SEPTIN7: variants seen among roughly 807,000 people sequenced by gnomAD.
The protein encoded by SEPTIN7 is septin 7.
Under a neutral mutation model 63.3 loss-of-function variants are expected in SEPTIN7, and 10 were observed. The observed-to-expected ratio is 0.16, with a 90% CI of 0.10 to 0.27. The LOEUF is 0.27. SEPTIN7 is among the 10% of genes least tolerant of loss of function. The probability of loss-of-function intolerance (pLI) is 1.00; values close to 1 mark genes in which losing one functional copy is unlikely to be tolerated. For synonymous variants in SEPTIN7, 131 were observed against 165.3 expected (o/e 0.79, Z 1.59); for missense variants, 310 against 521.0 (o/e 0.59, Z 3.94).
At chr7:35,806,552 T>C (rs1200162283) in intron 1 of SEPTIN7, among the ~76,000 whole-genome samples, 1 of 152,176 alleles carries the variant, frequency 6.6e-6, no homozygotes, top group Non-Finnish European at 1.5e-5. Context: ...TATGCTTTCA[T>C]AGAAAAAAAT....
At chr7:35,909,715 A>G (rs912130980), downstream of SEPTIN7, among the ~76,000 whole-genome samples, 1 of 152,246 alleles carries the variant, frequency 6.6e-6, no homozygotes, top group Non-Finnish European at 1.5e-5. Context: ...AGGTTATGAC[A>G]TGGGCATTTC....
chr7:35,861,291 C>T (rs1258368292), intron 3 of SEPTIN7, among the ~76,000 whole-genome samples: 1 of 152,114 alleles, frequency 6.6e-6, no homozygotes, highest in East Asian at 1.9e-4. Context: ...TGTATTTCTT[C>T]AGGAATGGTT....
At chr7:35,873,052 A>G (rs183058963) in intron 5 of SEPTIN7, among the ~76,000 whole-genome samples, 26 of 152,224 alleles carry the variant, frequency 1.7e-4, no homozygotes, top group Admixed American at 1.7e-3. Flanking sequence ...CATTATTGTA[A>G]GAAATTTAAA....
chr7:35,815,301 C>T (rs1158228787), intron 1 of SEPTIN7, among the ~76,000 whole-genome samples: 1 of 152,090 alleles, frequency 6.6e-6, no homozygotes, highest in African/African-American at 2.4e-5. Flanking sequence ...GGTGTCACTG[C>T]CTCTAGTAGA....
At chr7:35,857,762 G>C (rs1785279809) in intron 3 of SEPTIN7, among the ~76,000 whole-genome samples, 1 of 152,132 alleles carries the variant, frequency 6.6e-6, no homozygotes, top group East Asian at 1.9e-4. Context: ...TTTTTAAAGA[G>C]TATTAAAAAA....
In SEPTIN7 at chr7:35,905,254, T is replaced by A. The variant is rs1788554134; in HGVS notation, c.*961T>A. ...GCTGTATTCATATATTGCATTTCTG[T>A]ATTTTTTGTTTGTATTGTAAAAAAT... On this transcript the variant is annotated 3_prime_UTR_variant, in exon 14 of 14. Coordinates refer to ENST00000350320, the MANE Select transcript of SEPTIN7 (RefSeq NM_001788.6). The A allele has an allele frequency of 3.3e-5, 5 of 152,666 alleles. No homozygotes were observed. The highest frequency in any genetic ancestry group is 7.2e-5 in the African/African-American group (3 of 41,466). 9.5% of individuals were successfully genotyped at this position (152,666 alleles called of 1,614,324 possible). A position where few individuals can be genotyped will look rare whatever the true frequency, so the allele number is the denominator to read the frequency against.
Position 35,873,608 on chromosome 7 carries a change from T to C in SEPTIN7, c.378-33T>C, listed in dbSNP as rs755410982. On this transcript the variant is annotated intron_variant, in intron 5 of 13. Transcript: ENST00000350320. ...GTCATCAGTTAATTCATATGTAGAA[T>C]TGCAGCTTGTTTTGTTTATTTGCGT... The C allele has an allele frequency of 5.0e-6, 8 of 1,588,622 alleles. No homozygotes were observed. The East Asian group carries it at 1.6e-4, about 31-fold the overall frequency.
At chr7:35,840,553 C>T (rs1784361706) in intron 3 of SEPTIN7, among the ~76,000 whole-genome samples, 1 of 151,992 alleles carries the variant, frequency 6.6e-6, no homozygotes, top group African/African-American at 2.4e-5. Flanking sequence ...GCTGGGATTA[C>T]AGGTGTGAGT....
intron 4 of SEPTIN7, among the ~76,000 whole-genome samples, chr7:35,869,618 G>T (rs938885338): frequency 6.6e-6 from 1 of 152,068 alleles, no homozygotes; most frequent in Admixed American, 6.5e-5. Context: ...ATTAAGTTAG[G>T]TTAGTTTATA....
chr7:35,807,201 T>G (rs1788399632), intron 1 of SEPTIN7, among the ~76,000 whole-genome samples: 1 of 151,686 alleles, frequency 6.6e-6, no homozygotes, highest in African/African-American at 2.4e-5. Flanking sequence ...TTTTTTTTTT[T>G]GAAACGGAGT....
chr7:35,888,262 A>G (rs973956568), intron 10 of SEPTIN7, among the ~76,000 whole-genome samples: 37 of 152,246 alleles, frequency 2.4e-4, no homozygotes, highest in African/African-American at 8.2e-4. Flanking sequence ...ATAAAATGAT[A>G]AAGTATATTT....
chr7:35,911,611 G>A (rs757825429), downstream of SEPTIN7, among the ~76,000 whole-genome samples: 3 of 152,176 alleles, frequency 2.0e-5, no homozygotes, highest in Admixed American at 6.5e-5. Context: ...CAGCTGATCT[G>A]AACAAAACGG....
intron 11 of SEPTIN7, among the ~76,000 whole-genome samples, chr7:35,896,232 T>G (rs1787954787): frequency 6.6e-6 from 1 of 152,246 alleles, no homozygotes; most frequent in Admixed American, 6.5e-5. Flanking sequence ...GATAAACATT[T>G]TATAGATGAG....
rs1788034285 is a variant in SEPTIN7 at position 35,802,144 on chromosome 7, A to G, written c.61+874A>G. The G allele has an allele frequency of 2.3e-5, 4 of 174,884 alleles. No homozygotes were observed. In the Admixed American group the frequency reaches 2.4e-4, roughly 10 times the overall value. The allele number at this position is 174,884 out of a possible 1,614,324, so 10.8% of individuals were successfully genotyped here. On this transcript the variant is annotated intron_variant, in intron 1 of 13. Coordinates refer to ENST00000350320, the MANE Select transcript of SEPTIN7 (RefSeq NM_001788.6). ...AGTTTAGGGAAATTAATTTTTGAAAATATTTCAATATTCTCAGTTATTCTC... is the reference window on the plus strand; with the variant it reads ...AGTTTAGGGAAATTAATTTTTGAAAGTATTTCAATATTCTCAGTTATTCTC...
At chr7:35,839,413 C>T (rs1784292254) in intron 3 of SEPTIN7, among the ~76,000 whole-genome samples, 1 of 152,046 alleles carries the variant, frequency 6.6e-6, no homozygotes, top group Admixed American at 6.5e-5. Flanking sequence ...CATAATAATG[C>T]TGCAATAAAA....
At chr7:35,892,448 A>T (rs1452960667) in intron 11 of SEPTIN7, among the ~76,000 whole-genome samples, 1 of 152,156 alleles carries the variant, frequency 6.6e-6, no homozygotes, top group Non-Finnish European at 1.5e-5. Context: ...ATCATTAACG[A>T]TGCACTTTTT....
At chr7:35,851,861 T>C (rs1021100638) in intron 3 of SEPTIN7, among the ~76,000 whole-genome samples, 1 of 152,192 alleles carries the variant, frequency 6.6e-6, no homozygotes, top group Non-Finnish European at 1.5e-5. Context: ...GAAATTAATA[T>C]TAATGTTCAA....
At chr7:35,850,717 A>T (rs1784915577) in intron 3 of SEPTIN7, among the ~76,000 whole-genome samples, 1 of 152,070 alleles carries the variant, frequency 6.6e-6, no homozygotes, top group Non-Finnish European at 1.5e-5. Flanking sequence ...CATGATTTTG[A>T]TAAAATTCTG....
chr7:35,820,196 T>A (rs1049169539), intron 1 of SEPTIN7, among the ~76,000 whole-genome samples: 1 of 152,186 alleles, frequency 6.6e-6, no homozygotes, highest in Non-Finnish European at 1.5e-5. Context: ...CTTTCAAGAT[T>A]CTCTGTTTTT....
Sources: allele counts gnomAD v4.1 joint callset (sites outside exome capture counted in the v4.1 genomes callset), GRCh38; gene constraint gnomAD v4.1.1; transcripts MANE v1.5; gene names NCBI Gene and HGNC (gene_info 2026-07-23, HGNC 2026-07-21).